The following PKHD1 variants were observed in gnomAD, a reference collection of about 807,000 sequenced individuals.
PKHD1 encodes PKHD1 ciliary IPT domain containing fibrocystin/polyductin.
In PKHD1, 291 loss-of-function variants were observed where a neutral mutation model predicts 412.0. The ratio of observed to expected loss-of-function variants is 0.71; its 90% CI spans 0.64 to 0.78. The LOEUF is 0.78. Among genes scored for constraint, PKHD1 ranks in the 30% least tolerant of loss-of-function variants. The pLI is 0.00. For synonymous variants in PKHD1, 1,777 were observed against 1,821.5 expected, an observed-to-expected ratio of 0.98 and a Z score of 0.62; for missense variants, 4,825 against 4,950.7, an observed-to-expected ratio of 0.97 and a Z score of 0.76.
At position 51,870,653 on chromosome 6, in the gene PKHD1, G is replaced by C; in HGVS notation, c.7351-14C>G. The C allele has an allele frequency of 6.2e-7, 1 of 1,600,164 alleles. No homozygotes were observed. On this transcript the variant is annotated splice_polypyrimidine_tract_variant and intron_variant, in intron 46 of 66. Coordinates refer to ENST00000371117, the MANE Select transcript of PKHD1 (RefSeq NM_138694.4). Reference sequence around the variant, plus strand: ...ACACAGACTTCCCTGTGATTTAAAAGAAAAAAAGATGAAAGCAAAATAAGA... The same window carrying C: ...ACACAGACTTCCCTGTGATTTAAAACAAAAAAAGATGAAAGCAAAATAAGA...
At chr6:51,782,052 TA>T (rs1297036536) in intron 53 of PKHD1, among the ~76,000 whole-genome samples, 7 of 151,264 alleles carry the variant, frequency 4.6e-5, no homozygotes, top group Non-Finnish European at 1.0e-4. Flanking sequence ...AATAAATTTA[TA>T]TGATTAATTA....
intron 60 of PKHD1, among the ~76,000 whole-genome samples, chr6:51,685,681 C>T (rs1193983636): frequency 6.6e-6 from 1 of 152,098 alleles, no homozygotes; most frequent in Non-Finnish European, 1.5e-5. Flanking sequence ...CCAGTTGCTC[C>T]CTGCACTTCA....
intron 43 of PKHD1, among the ~76,000 whole-genome samples, chr6:51,892,059 G>A (rs1779206010): frequency 6.6e-6 from 1 of 152,296 alleles, no homozygotes; most frequent in South Asian, 2.1e-4. Flanking sequence ...TTTGTAAATA[G>A]ACAGCCATTT....
At chr6:51,958,105 A>G (rs1457408361) in intron 36 of PKHD1, among the ~76,000 whole-genome samples, 1 of 152,066 alleles carries the variant, frequency 6.6e-6, no homozygotes, top group Non-Finnish European at 1.5e-5. Context: ...CTATATCTCT[A>G]TGATAAAAAC....
At chr6:52,013,329 CCTTT>C (rs1800042357) in intron 34 of PKHD1, among the ~76,000 whole-genome samples, 1 of 152,166 alleles carries the variant, frequency 6.6e-6, no homozygotes, top group African/African-American at 2.4e-5. Context: ...GAATTAAACC[CCTTT>C]CTGTTAGCTT....
At chr6:51,740,516 T>C (rs905900170) in intron 60 of PKHD1, among the ~76,000 whole-genome samples, 2 of 152,202 alleles carry the variant, frequency 1.3e-5, no homozygotes, top group African/African-American at 2.4e-5. Flanking sequence ...GGAATAAATA[T>C]AAAATTCCAG....
At chr6:51,681,110 G>A (rs1003015688) in intron 60 of PKHD1, among the ~76,000 whole-genome samples, 5 of 151,966 alleles carry the variant, frequency 3.3e-5, no homozygotes, top group African/African-American at 1.2e-4. Flanking sequence ...TGTATAGACT[G>A]CATTGCTACA....
chr6:51,896,213 C>G (rs866113797), intron 43 of PKHD1, among the ~76,000 whole-genome samples: 1 of 150,344 alleles, frequency 6.7e-6, no homozygotes, highest in Non-Finnish European at 1.5e-5. Context: ...CCTCTGGGGG[C>G]AGGGCACAGA....
chr6:51,772,157 T>G (rs1396524700), intron 55 of PKHD1, among the ~76,000 whole-genome samples: 1 of 152,086 alleles, frequency 6.6e-6, no homozygotes, highest in Non-Finnish European at 1.5e-5. Flanking sequence ...CTATTTCTAG[T>G]ACTTTATCTT....
intron 21 of PKHD1, 88 bp downstream of exon 21, chr6:52,052,988 C>T (rs749711458): frequency 8.1e-7 from 1 of 1,231,670 alleles, no homozygotes; most frequent in Non-Finnish European, 1.2e-6. Context: ...CCTGTTCTCT[C>T]CTCATTAAAA....
At chr6:51,979,593 A>T (rs1794887866) in intron 35 of PKHD1, among the ~76,000 whole-genome samples, 1 of 151,566 alleles carries the variant, frequency 6.6e-6, no homozygotes, top group Admixed American at 6.6e-5. Context: ...CCACACATAC[A>T]GTCACCCACC....
Position 51,807,479 on chromosome 6 carries a change from A to ATATG in PKHD1, c.8303-16107_8303-16106insCATA, listed in dbSNP as rs1451342734. Reference sequence around the variant, plus strand: ...AAAAAATATATATATATATATATATATGTATATGTGTGTGTGTGTGTGTGT... The same window carrying ATATG: ...AAAAAATATATATATATATATATATATATGTGTATATGTGTGTGTGTGTGTGTGT... On this transcript the variant is annotated intron_variant, in intron 52 of 66. Coordinates refer to ENST00000371117, the MANE Select transcript of PKHD1 (RefSeq NM_138694.4). Among the ~76,000 whole-genome samples, 286 of 103,456 alleles carry ATATG rather than the reference A, an allele frequency of 2.8e-3. 9 individuals are homozygous for ATATG. Among genetic ancestry groups the ATATG allele is most frequent in the African/African-American group, 0.013 (266 of 20,118 alleles). The allele number at this position is 103,456 out of a possible 152,430, so 67.9% of individuals were successfully genotyped here.
intron 25 of PKHD1, among the ~76,000 whole-genome samples, chr6:52,043,994 T>C (rs936815294): frequency 2.0e-5 from 3 of 152,202 alleles, no homozygotes; most frequent in Non-Finnish European, 4.4e-5. Flanking sequence ...ATCTCTGTCA[T>C]ATAGAAGTAA....
At chr6:51,809,110 TTAGCTTAA>T in intron 52 of PKHD1, among the ~76,000 whole-genome samples, 1 of 152,094 alleles carries the variant, frequency 6.6e-6, no homozygotes, top group Non-Finnish European at 1.5e-5. Flanking sequence ...AATGGAAAAT[TTAGCTTAA>T]GCATATTCCC....
chr6:52,038,096 T>C (rs1302063708), intron 27 of PKHD1, among the ~76,000 whole-genome samples: 1 of 151,964 alleles, frequency 6.6e-6, no homozygotes, highest in East Asian at 1.9e-4. Flanking sequence ...AAAAGGGGAA[T>C]TTGGGCCAGG....
rs762848183 is a variant in PKHD1 at position 51,959,851 on chromosome 6, A to C, written c.5908+19T>G. 5.0e-6 allele frequency: 8 copies of C among 1,606,920 alleles called. No individual in the cohort carries two copies. In the Admixed American group the frequency reaches 1.3e-4, roughly 27 times the overall value. ...ATAATCATATAGAATAATATTACCA[A>C]CCTACAAACTTCACACACCTTTAAT... On this transcript the variant is annotated intron_variant, in intron 36 of 66. Coordinates refer to ENST00000371117, the MANE Select transcript of PKHD1 (RefSeq NM_138694.4).
At chr6:51,760,907 A>T (rs1416422351) in intron 55 of PKHD1, among the ~76,000 whole-genome samples, 2 of 152,126 alleles carry the variant, frequency 1.3e-5, no homozygotes, top group Non-Finnish European at 2.9e-5. Flanking sequence ...CATACCTGTC[A>T]AAATTACCAA....
At chr6:51,852,449 A>AT (rs1255078244) in intron 49 of PKHD1, among the ~76,000 whole-genome samples, 1 of 152,156 alleles carries the variant, frequency 6.6e-6, no homozygotes, top group African/African-American at 2.4e-5. Flanking sequence ...CAAGTCCTGC[A>AT]TATCCTTGTT....
intron 48 of PKHD1, among the ~76,000 whole-genome samples, chr6:51,856,517 G>C (rs1311731679): frequency 6.6e-6 from 1 of 152,090 alleles, no homozygotes; most frequent in African/African-American, 2.4e-5. Context: ...ATTTTGCCTT[G>C]GACCAGATTT....
Sources: gnomAD v4.1 joint callset for allele counts (sites outside exome capture counted in the v4.1 genomes callset) on GRCh38, gnomAD v4.1.1 for gene constraint, MANE v1.5 for transcripts, NCBI Gene and HGNC (gene_info 2026-07-23, HGNC 2026-07-21) for gene names.